Variants in RPS6KC1 observed in about 807,000 individuals in gnomAD.
The protein encoded by RPS6KC1 is inactive ribosomal protein S6 kinase delta-1.
In RPS6KC1, 54 loss-of-function variants were observed where a neutral mutation model predicts 103.8. The observed-to-expected ratio is 0.52, with a 90% CI of 0.42 to 0.65. The LOEUF is 0.65. Among genes scored for constraint, RPS6KC1 ranks in the 30% least tolerant of loss-of-function variants. RPS6KC1 has a pLI of 0.00. For missense variants in RPS6KC1, 1,151 were observed against 1,253.8 expected, an observed-to-expected ratio of 0.92 and a Z score of 1.24; for synonymous variants, 439 against 438.7, an observed-to-expected ratio of 1.00 and a Z score of -0.01.
At chr1:213,200,299 G>A (rs888779458) in intron 8 of RPS6KC1, among the ~76,000 whole-genome samples, 1 of 151,982 alleles carries the variant, frequency 6.6e-6, no homozygotes. Context: ...ATAGACCAAT[G>A]GAACAGAATA....
the RPS6KC1 span, among the ~76,000 whole-genome samples, chr1:213,568,448 A>G: frequency 6.6e-6 from 1 of 152,238 alleles, no homozygotes; most frequent in East Asian, 1.9e-4. Context: ...ATTCAATTCA[A>G]GGACATATGG....
chr1:213,114,904 C>T (rs1230827648), intron 4 of RPS6KC1, among the ~76,000 whole-genome samples: 1 of 152,072 alleles, frequency 6.6e-6, no homozygotes, highest in African/African-American at 2.4e-5. Flanking sequence ...GGATGAAGCC[C>T]ACTTGATCAT....
chr1:213,534,677 G>GA, the RPS6KC1 span, among the ~76,000 whole-genome samples: 2 of 152,014 alleles, frequency 1.3e-5, no homozygotes, highest in African/African-American at 4.8e-5. Context: ...AAACTTGGGA[G>GA]AAAAACAAAA....
At chr1:213,677,094 G>A in the RPS6KC1 span, among the ~76,000 whole-genome samples, 11 of 152,304 alleles carry the variant, frequency 7.2e-5, no homozygotes, top group East Asian at 1.7e-3. Flanking sequence ...CCAGGTCCCA[G>A]AGAATGAAAA....
chr1:213,261,220 T>A (rs1285379683), intron 12 of RPS6KC1, among the ~76,000 whole-genome samples: 1 of 152,140 alleles, frequency 6.6e-6, no homozygotes, highest in African/African-American at 2.4e-5. Context: ...AAATCACCCA[T>A]GAGGTAGAAT....
At chr1:213,375,436 TG>T in the RPS6KC1 span, among the ~76,000 whole-genome samples, 2 of 152,120 alleles carry the variant, frequency 1.3e-5, no homozygotes, top group Non-Finnish European at 2.9e-5. Context: ...TGAATTAAGG[TG>T]GTAGATTTCG....
chr1:213,529,233 G>A, the RPS6KC1 span, among the ~76,000 whole-genome samples: 6 of 152,190 alleles, frequency 3.9e-5, no homozygotes, highest in African/African-American at 1.2e-4. Flanking sequence ...GGGGGATCAC[G>A]GGAGAGCTAA....
chr1:213,464,240 A>G, the RPS6KC1 span, among the ~76,000 whole-genome samples: 1 of 151,982 alleles, frequency 6.6e-6, no homozygotes, highest in African/African-American at 2.4e-5. Context: ...ACCTTTTTTT[A>G]TGTCAGTATT....
intron 6 of RPS6KC1, among the ~76,000 whole-genome samples, chr1:213,158,028 TTTA>T (rs1275028065): frequency 5.3e-5 from 8 of 152,206 alleles, no homozygotes; most frequent in Non-Finnish European, 1.0e-4. Context: ...CATTTTTTTA[TTTA>T]CAACCTGGTT....
In RPS6KC1 at chr1:213,129,675, T is replaced by A; in HGVS notation, c.621T>A (p.Val207=). Residue 207 remains valine (V), a synonymous_variant, in exon 6 of 15, where the codon GTT becomes GTA. Coordinates refer to ENST00000366960, the MANE Select transcript of RPS6KC1 (RefSeq NM_012424.6). ...CGGATTCTTCAGCACTAGGGGCTGT[T>A]GCTTCTGACAGTGAACAGAGCAAAA... ...LSSDSSALGA[V]ASDSEQSKTE... is the part of the protein sequence containing the mutation. 1 of 1,614,060 alleles carries A rather than the reference T, an allele frequency of 6.2e-7. No homozygotes were observed.
the RPS6KC1 span, chr1:213,818,910 G>A: frequency 6.6e-6 from 1 of 152,228 alleles, no homozygotes; most frequent in African/African-American, 2.4e-5. Flanking sequence ...TCCAGTCCCT[G>A]GGAGTGTTCG....
chr1:213,531,702 G>C, the RPS6KC1 span, among the ~76,000 whole-genome samples: 3 of 152,216 alleles, frequency 2.0e-5, no homozygotes, highest in Non-Finnish European at 4.4e-5. Flanking sequence ...GCTATCAGTG[G>C]AAAGAAGTTT....
chr1:213,470,686 C>T, the RPS6KC1 span, among the ~76,000 whole-genome samples: 7 of 139,080 alleles, frequency 5.0e-5, no homozygotes, highest in Non-Finnish European at 6.0e-5. Context: ...GTGACACAAT[C>T]GTAGAATGCT....
chr1:213,752,705 T>C, the RPS6KC1 span, among the ~76,000 whole-genome samples: 3 of 152,228 alleles, frequency 2.0e-5, no homozygotes, highest in African/African-American at 7.2e-5. Flanking sequence ...GCATATAGTG[T>C]ACCTTCCTGC....
the RPS6KC1 span, among the ~76,000 whole-genome samples, chr1:213,287,733 C>G: frequency 6.6e-6 from 1 of 152,130 alleles, no homozygotes; most frequent in Non-Finnish European, 1.5e-5. Flanking sequence ...GAATTAAGTA[C>G]TTCGTGAGAT....
At chr1:213,736,233 A>G in the RPS6KC1 span, among the ~76,000 whole-genome samples, 1 of 152,214 alleles carries the variant, frequency 6.6e-6, no homozygotes, top group African/African-American at 2.4e-5. Flanking sequence ...GTCCAGGCAC[A>G]ACTTAACAGG....
chr1:213,547,372 G>A, the RPS6KC1 span, among the ~76,000 whole-genome samples: 4 of 152,176 alleles, frequency 2.6e-5, no homozygotes, highest in African/African-American at 9.7e-5. Context: ...CAGTACCAAT[G>A]CTGGTGAGAA....
intron 6 of RPS6KC1, among the ~76,000 whole-genome samples, chr1:213,160,029 T>G (rs1228660984): frequency 6.6e-6 from 1 of 152,228 alleles, no homozygotes; most frequent in Non-Finnish European, 1.5e-5. Context: ...ACTTGAGTTA[T>G]GCAGTTTTAT....
intron 3 of RPS6KC1, among the ~76,000 whole-genome samples, chr1:213,087,562 A>G (rs4951667): frequency 1 from 152,352 of 152,352 alleles, 76,176 homozygotes; most frequent in Non-Finnish European, 1. Context: ...AAGCTTAGCA[A>G]CGGAGGGCAC....
Sources: allele counts gnomAD v4.1 joint callset (sites outside exome capture counted in the v4.1 genomes callset), GRCh38; gene constraint gnomAD v4.1.1; transcripts MANE v1.5; gene names NCBI Gene and HGNC (gene_info 2026-07-23, HGNC 2026-07-21).